HAVCR2: variants seen among roughly 807,000 people sequenced by gnomAD.
HAVCR2 encodes T cell immunoglobulin mucin 3.
Under a neutral mutation model 24.7 loss-of-function variants are expected in HAVCR2, and 13 were observed. The ratio of observed to expected loss-of-function variants is 0.53; its 90% CI spans 0.34 to 0.84. The LOEUF (loss-of-function observed/expected upper bound fraction) is 0.84. Among genes scored for constraint, HAVCR2 ranks in the 40% least tolerant of loss-of-function variants. The pLI is 0.01. For synonymous variants in HAVCR2, 154 were observed against 143.4 expected (o/e 1.07, Z -0.53); for missense variants, 343 against 371.2 (o/e 0.92, Z 0.62).
In HAVCR2 at chr5:157,106,746, T is replaced by C. The variant is rs1757257597; in HGVS notation, c.275A>G (p.Asp92Gly). ...YWLNGDFRKG[D>G]VSLTIENVTL... ...CACATTCTCTATGGTCAGGGACACA[T>C]CTCCTTTGCGGAAATCCCCATTTAG... The change falls in exon 2 of 7, where the codon GAT (aspartate) becomes GGT (glycine). Residue 92 changes from aspartate (D) to glycine (G), a missense_variant. Transcript: ENST00000307851. The C allele has an allele frequency of 1.2e-6, 2 of 1,614,192 alleles. No individual in the cohort carries two copies. Among genetic ancestry groups the C allele is most frequent in the African/African-American group, 2.7e-5 (2 of 75,056 alleles).
At chr5:157,103,102 G>A (rs1377594676) in intron 3 of HAVCR2, among the ~76,000 whole-genome samples, 1 of 151,980 alleles carries the variant, frequency 6.6e-6, no homozygotes, top group Non-Finnish European at 1.5e-5. Flanking sequence ...GGTGGCTCAC[G>A]CGTGTAATCC....
intron 5 of HAVCR2, 149 bp downstream of exon 5, chr5:157,095,157 A>G: frequency 1.4e-6 from 1 of 737,670 alleles, no homozygotes; most frequent in Non-Finnish European, 2.2e-6. Flanking sequence ...AATAAAAATT[A>G]GCCATTATTG....
chr5:157,100,036 AG>A (rs1757147520), intron 3 of HAVCR2, among the ~76,000 whole-genome samples: 1 of 152,164 alleles, frequency 6.6e-6, no homozygotes, highest in South Asian at 2.1e-4. Context: ...TTTACTCATG[AG>A]AAGGGAGACA....
At chr5:157,092,658 C>T (rs1465873969) in intron 5 of HAVCR2, among the ~76,000 whole-genome samples, 2 of 151,636 alleles carry the variant, frequency 1.3e-5, no homozygotes, top group Non-Finnish European at 2.9e-5. Flanking sequence ...GTTGGTCAGG[C>T]TGGTCTCAAA....
At chr5:157,097,783 A>G (rs983241331) in intron 4 of HAVCR2, among the ~76,000 whole-genome samples, 12 of 151,702 alleles carry the variant, frequency 7.9e-5, no homozygotes, top group African/African-American at 2.7e-4. Flanking sequence ...TTGTATTTTT[A>G]GTAGAGATGG....
At chr5:157,096,692 G>A (rs756469733) in intron 4 of HAVCR2, among the ~76,000 whole-genome samples, 2 of 152,036 alleles carry the variant, frequency 1.3e-5, no homozygotes, top group African/African-American at 2.4e-5. Flanking sequence ...CAGGACAATC[G>A]CTTGAACCCA....
rs764373350 is a variant in HAVCR2, at chr5:157,095,351, C to G, written c.631G>C (p.Ala211Pro). 22 of 1,614,014 alleles carry G rather than the reference C, an allele frequency of 1.4e-5. No individual in the cohort carries two copies. The highest frequency in any genetic ancestry group is 4.0e-5 in the African/African-American group (3 of 74,916). The change falls in exon 5 of 7, where the codon GCT becomes CCT. Residue 211 changes from alanine (A) to proline (P), a missense_variant. Coordinates refer to ENST00000307851, the MANE Select transcript of HAVCR2 (RefSeq NM_032782.5). ...AAGATAAGAGCCAGAGCCAGCCCAG[C>G]ACAGATCCCTGCTCCGATGTAGATG... Reference protein sequence around the residue: ...IGIYIGAGICAGLALALIFGA... With the variant: ...IGIYIGAGICPGLALALIFGA...
At chr5:157,107,161 G>A (rs1430290059) in intron 1 of HAVCR2, 199 bp from the exon 2 acceptor site, 2 of 562,356 alleles carry the variant, frequency 3.6e-6, no homozygotes, top group Admixed American at 6.4e-5. Context: ...AACACAGATT[G>A]CTGGGCTCAA....
chr5:157,095,318 A>C lies in HAVCR2; in HGVS notation c.664T>G (p.Leu222Val). ...CAAAAACACTTACATTTGAAAATTAAAGCGCCGAAGATAAGAGCCAGAGCC... is the reference window on the plus strand; with the variant it reads ...CAAAAACACTTACATTTGAAAATTACAGCGCCGAAGATAAGAGCCAGAGCC... ...GLALALIFGA[L>V]IFKWYSHSKE... Residue 222 changes from leucine to valine, a missense_variant, in exon 5 of 7, where the codon TTA becomes GTA. Leu to Val is a conservative substitution (Grantham distance 32). Coordinates refer to ENST00000307851, the MANE Select transcript of HAVCR2 (RefSeq NM_032782.5). The C allele has an allele frequency of 6.2e-7, 1 of 1,613,392 alleles. No homozygotes were observed. The highest frequency in any genetic ancestry group is 8.5e-7 in the Non-Finnish European group (1 of 1,179,850).
chr5:157,097,289 CT>C (rs1757106813), intron 4 of HAVCR2, among the ~76,000 whole-genome samples: 1 of 149,376 alleles, frequency 6.7e-6, no homozygotes, highest in Non-Finnish European at 1.5e-5. Flanking sequence ...AGGCCTTGCC[CT>C]GTCACCTAGG....
rs1314770275 is a variant in HAVCR2, at chr5:157,095,300, A to G, written c.676+6T>C. 8.1e-6 allele frequency: 13 copies of G among 1,613,100 alleles called. No homozygotes were observed. Among genetic ancestry groups the G allele is most frequent in the Non-Finnish European group, 1.1e-5 (13 of 1,179,708 alleles). ...ATCAGAGGGAGAGAGAAACAAAAACACTTACATTTGAAAATTAAAGCGCCG... is the reference window on the plus strand; with the variant it reads ...ATCAGAGGGAGAGAGAAACAAAAACGCTTACATTTGAAAATTAAAGCGCCG... On this transcript the variant is annotated splice_donor_region_variant and intron_variant, in intron 5 of 6. Transcript: ENST00000307851.
chr5:157,104,839 A>G, intron 2 of HAVCR2, 90 bp from the exon 3 acceptor site: 2 of 891,510 alleles, frequency 2.2e-6, no homozygotes, highest in Middle Eastern at 2.9e-4. Context: ...AAAAAATGCG[A>G]AAGACAATTA....
At chr5:157,096,927 AACACACACACACACACACAC>A (rs34799337) in intron 4 of HAVCR2, among the ~76,000 whole-genome samples, 1 of 142,866 alleles carries the variant, frequency 7.0e-6, no homozygotes, top group Admixed American at 7.2e-5. Flanking sequence ...ATTTATACAA[AACACACACACACACACACAC>A]ACACACACAC....
rs1036687230 is a variant in HAVCR2, at chr5:157,106,950, A to G, written c.71T>C (p.Val24Ala). The G allele has an allele frequency of 6.2e-7, 1 of 1,612,224 alleles. No individual in the cohort carries two copies. Among genetic ancestry groups the G allele is most frequent in the Admixed American group, 1.7e-5 (1 of 59,894 alleles). Reference sequence around the variant, plus strand: ...CTGACCGACCTCCGCTCTGTATTCCACTTCTGAGGACCCTGCATAGAGAGA... The same window carrying G: ...CTGACCGACCTCCGCTCTGTATTCCGCTTCTGAGGACCCTGCATAGAGAGA... ...LLLLLTRSSE[V>A]EYRAEVGQNA... is the part of the protein sequence containing the mutation. Residue 24 changes from valine to alanine, a missense_variant, in exon 2 of 7, where the codon GTG becomes GCG. By Grantham distance (64) the Val-to-Ala change is moderately conservative. Coordinates refer to ENST00000307851, the MANE Select transcript of HAVCR2 (RefSeq NM_032782.5).
intron 1 of HAVCR2, among the ~76,000 whole-genome samples, chr5:157,108,202 C>T (rs1757280004): frequency 6.6e-6 from 1 of 151,750 alleles, no homozygotes; most frequent in Non-Finnish European, 1.5e-5. Context: ...AAAAAGTGGC[C>T]GGGCACACGG....
chr5:157,107,084 G>A, intron 1 of HAVCR2, 122 bp from the exon 2 acceptor site: 1 of 770,966 alleles, frequency 1.3e-6, no homozygotes, highest in Middle Eastern at 3.6e-4. Context: ...CCTGTTTGGA[G>A]GATGATTCGC....
rs1259788866 is a variant in HAVCR2 at position 157,086,073 on chromosome 5, TCA to T, written c.*1027_*1028del. 1 of 152,098 alleles carries T rather than the reference TCA, an allele frequency of 6.6e-6. No individual in the cohort carries two copies. Among genetic ancestry groups the T allele is most frequent in the Non-Finnish European group, 1.5e-5 (1 of 68,038 alleles). The allele number at this position is 152,098 out of a possible 1,614,324, so 9.4% of individuals were successfully genotyped here. On this transcript the variant is annotated 3_prime_UTR_variant, in exon 7 of 7. Transcript: ENST00000307851. ...TTCTTCTTCTGTGAAAAATATAGCT[TCA>T]GTTTGGTCCACGAATACAGAAGTTG...
Position 157,098,918 on chromosome 5 carries a change from A to G in HAVCR2, c.479-17T>C, listed in dbSNP as rs1384686744. 2.5e-6 allele frequency: 4 copies of G among 1,608,894 alleles called. 1 individual carries two copies. The highest frequency in any genetic ancestry group is 1.7e-4 in the Middle Eastern group (1 of 6,036). On this transcript the variant is annotated splice_polypyrimidine_tract_variant and intron_variant, in intron 3 of 6. Coordinates refer to ENST00000307851, the MANE Select transcript of HAVCR2 (RefSeq NM_032782.5). ...GTGTCTCTGCTATAAAAAGAGAGAG[A>G]GAGAGAGAGAGAGGAAAAATAGCCA...
At chr5:157,107,869 CT>C (rs1006835174) in intron 1 of HAVCR2, among the ~76,000 whole-genome samples, 4 of 130,780 alleles carry the variant, frequency 3.1e-5, no homozygotes, top group East Asian at 4.5e-4. Context: ...GCCCCCCCCC[CT>C]TTTTTATGTG....
Sources: gnomAD v4.1 joint callset for allele counts (sites outside exome capture counted in the v4.1 genomes callset) on GRCh38, gnomAD v4.1.1 for gene constraint, MANE v1.5 for transcripts, NCBI Gene and HGNC (gene_info 2026-07-23, HGNC 2026-07-21) for gene names.